Variants in SHCBP1 observed in about 807,000 individuals in gnomAD.
The protein encoded by SHCBP1 is SHC binding and spindle associated 1.
A neutral mutation model predicts 75.1 loss-of-function variants in SHCBP1; 60 were observed. The observed-to-expected ratio is 0.80, with a 90% CI of 0.65 to 0.99. The LOEUF is 0.99. Among genes scored for constraint, SHCBP1 ranks in the 50% least tolerant of loss-of-function variants. SHCBP1 has a pLI of 0.00. For synonymous variants in SHCBP1, 290 were observed against 293.2 expected, an observed-to-expected ratio of 0.99 and a Z score of 0.11; for missense variants, 709 against 809.4, an observed-to-expected ratio of 0.88 and a Z score of 1.50.
In SHCBP1 at chr16:46,581,571, T is replaced by G; in HGVS notation, c.*158A>C. 1.5e-6 allele frequency: 1 copy of G among 648,342 alleles called. No individual in the cohort carries two copies. The highest frequency in any genetic ancestry group is 2.6e-6 in the Non-Finnish European group (1 of 383,698). 40.2% of individuals were successfully genotyped at this position (648,342 alleles called of 1,614,324 possible). A position where few individuals can be genotyped will look rare whatever the true frequency, so the allele number is the denominator to read the frequency against. On this transcript the variant is annotated 3_prime_UTR_variant, in exon 13 of 13. Transcript: ENST00000303383. ...TTTCTTATAAAGAGGGAGTGTTTTA[T>G]GTGCAACACCTGCAAATGGAAATAA...
chr16:46,606,495 C>T (rs936352122), intron 5 of SHCBP1, among the ~76,000 whole-genome samples: 1 of 152,186 alleles, frequency 6.6e-6, no homozygotes, highest in East Asian at 1.9e-4. Flanking sequence ...TAAGTCATTG[C>T]TTGTCGTTAG....
chr16:46,596,233 C>T (rs1192819131), intron 9 of SHCBP1, among the ~76,000 whole-genome samples: 2 of 152,020 alleles, frequency 1.3e-5, no homozygotes, highest in East Asian at 1.9e-4. Context: ...AGGCCGCATG[C>T]GGTAGCTCAC....
chr16:46,596,143 T>C (rs1254657001), intron 9 of SHCBP1, among the ~76,000 whole-genome samples: 2 of 152,020 alleles, frequency 1.3e-5, no homozygotes, highest in Non-Finnish European at 2.9e-5. Context: ...AAACAACAAA[T>C]TATCATGAAT....
chr16:46,595,571 G>A lies in SHCBP1; in HGVS notation c.1445C>T (p.Ser482Leu), dbSNP rs777914584. The change falls in exon 10 of 13, where the codon TCG becomes TTG. Residue 482 changes from serine to leucine, a missense_variant. Physicochemically the swap from Ser to Leu is moderately radical, Grantham distance 145 (BLOSUM62 -2). Transcript: ENST00000303383. ...RTSAEFLMKN[S>L]DLYGAKGAGI... is the part of the protein sequence containing the mutation. ...TTCTACCTTGGCGCCATATAAATCC[G>A]AGTTCTTCATTAGAAACTCTGCTGA... 2.2e-5 allele frequency: 36 copies of A among 1,613,758 alleles called. No individual in the cohort carries two copies. Among genetic ancestry groups the A allele is most frequent in the Non-Finnish European group, 2.8e-5 (33 of 1,179,860 alleles).
In SHCBP1 at chr16:46,605,944, G is replaced by GA. The variant is rs1471896894; in HGVS notation, c.690-1484dup. 9.5e-5 allele frequency among the ~76,000 whole-genome samples: 13 copies of GA among 136,840 alleles called. No homozygotes were observed. In the Admixed American group the frequency reaches 9.8e-4, roughly 10 times the overall value. The allele number at this position is 136,840 out of a possible 152,430, so 89.8% of individuals were successfully genotyped here. On this transcript the variant is annotated intron_variant, in intron 5 of 12. Coordinates refer to ENST00000303383, the MANE Select transcript of SHCBP1 (RefSeq NM_024745.5). ...TTTGTCTACTTTGGTTAATCCGAAA[G>GA]AAACTGAGTGAACAGCTGTGAAAAA...
Position 46,599,417 on chromosome 16 carries a change from G to A in SHCBP1, c.1345+414C>T, listed in dbSNP as rs79605099. 5.9e-5 allele frequency among the ~76,000 whole-genome samples: 9 copies of A among 152,150 alleles called. No individual in the cohort carries two copies. The East Asian group carries it at 1.7e-3, about 29-fold the overall frequency. ...CCCAAAGAGAAGGAGAGAGATAGGG[G>A]AATGGCTGATCGGTGGAACAGTCAA... On this transcript the variant is annotated intron_variant, in intron 9 of 12. Coordinates refer to ENST00000303383, the MANE Select transcript of SHCBP1 (RefSeq NM_024745.5).
rs1438840438 is a variant in SHCBP1, at chr16:46,604,357, C to G, written c.794G>C (p.Arg265Thr). ...AGAGTTACAATTTGACAAACTGCTT[C>G]TCAGATTTAAAAATTTCCTGTAACT... Reference protein sequence around the residue: ...EESYRKFLNLRSSLSNCNSDS... With the variant: ...EESYRKFLNLTSSLSNCNSDS... The change falls in exon 6 of 13, where the codon AGA becomes ACA. Residue 265 changes from arginine (R) to threonine (T), a missense_variant. By Grantham distance (71) the Arg-to-Thr change is moderately conservative. Transcript: ENST00000303383. The G allele has an allele frequency of 6.2e-7, 1 of 1,614,182 alleles. No homozygotes were observed. Among genetic ancestry groups the G allele is most frequent in the Non-Finnish European group, 8.5e-7 (1 of 1,180,016 alleles).
intron 4 of SHCBP1, among the ~76,000 whole-genome samples, chr16:46,610,196 A>G (rs1268054827): frequency 6.6e-6 from 1 of 152,076 alleles, no homozygotes; most frequent in Non-Finnish European, 1.5e-5. Flanking sequence ...CAACCCACCC[A>G]CTTCAGTCTC....
chr16:46,583,784 C>G, intron 11 of SHCBP1, 127 bp from the exon 12 acceptor site: 1 of 1,129,744 alleles, frequency 8.9e-7, no homozygotes, highest in South Asian at 1.5e-5. Context: ...TGTTGTAGCA[C>G]AGTCTGCACC....
chr16:46,591,083 C>T (rs182707172), intron 10 of SHCBP1, among the ~76,000 whole-genome samples: 143 of 152,172 alleles, frequency 9.4e-4, no homozygotes, highest in Admixed American at 4.2e-3. Context: ...AACCAAACAC[C>T]GCATGTTGTC....
rs1965346284 is a variant in SHCBP1, at chr16:46,607,703, T to C, written c.689+594A>G. 2.6e-5 allele frequency among the ~76,000 whole-genome samples: 4 copies of C among 152,292 alleles called. No homozygotes were observed. The South Asian group carries it at 8.3e-4, about 32-fold the overall frequency. The stretch of plus-strand genomic sequence containing the variant: ...ACTGCTTATGAATACAAGAAAAAAT[T>C]ACTGGTCTTAAAGCACCATCTAGTG... On this transcript the variant is annotated intron_variant, in intron 5 of 12. Transcript: ENST00000303383.
chr16:46,597,913 A>C (rs1034255982), intron 9 of SHCBP1, among the ~76,000 whole-genome samples: 1 of 152,226 alleles, frequency 6.6e-6, no homozygotes, highest in Non-Finnish European at 1.5e-5. Context: ...CCTCCCCAGG[A>C]AATTCTATCT....
rs1965504414 is a variant in SHCBP1 at position 46,616,650 on chromosome 16, A to C, written c.388-496T>G. On this transcript the variant is annotated intron_variant, in intron 3 of 12. Coordinates refer to ENST00000303383, the MANE Select transcript of SHCBP1 (RefSeq NM_024745.5). The surrounding 1 kb of genome is among the most constrained non-coding windows in gnomAD (Gnocchi z 4.4). ...GCAACGAGACCAGGACATGAAGGAC[A>C]TCTGAAGGAGCTTGGATTTTAAGTG... Among the ~76,000 whole-genome samples, 1 of 152,240 alleles carries C rather than the reference A, an allele frequency of 6.6e-6. No homozygotes were observed. Among genetic ancestry groups the C allele is most frequent in the Non-Finnish European group, 1.5e-5 (1 of 68,046 alleles).
chr16:46,589,172 CAAAAT>C (rs953856254), intron 10 of SHCBP1, among the ~76,000 whole-genome samples: 2 of 152,126 alleles, frequency 1.3e-5, no homozygotes, highest in African/African-American at 4.8e-5. Flanking sequence ...GGATGTATCT[CAAAAT>C]AATAAGAGCT....
In SHCBP1 at chr16:46,618,297, A is replaced by G; in HGVS notation, c.179T>C (p.Met60Thr). 6.2e-7 allele frequency: 1 copy of G among 1,613,906 alleles called. No homozygotes were observed. Among genetic ancestry groups the G allele is most frequent in the South Asian group, 1.1e-5 (1 of 90,998 alleles). Residue 60 changes from methionine to threonine, a missense_variant, in exon 2 of 13, where the codon ATG (methionine) becomes ACG (threonine). Transcript: ENST00000303383. ...DKPGSSLQSF[M>T]PEGKTFFPEI... ...TGGGAAAAAGGTTTTTCCTTCTGGC[A>G]TAAAACTTTGTAAACTAGAACCTGG...
chr16:46,610,349 A>C (rs532971478), intron 4 of SHCBP1, among the ~76,000 whole-genome samples: 2 of 152,044 alleles, frequency 1.3e-5, no homozygotes, highest in Non-Finnish European at 2.9e-5. Flanking sequence ...AAATTCCCCT[A>C]ATTGTCTCCT....
intron 9 of SHCBP1, 114 bp downstream of exon 9, chr16:46,599,717 A>AAAAAAAAG: frequency 2.1e-6 from 1 of 474,490 alleles, no homozygotes; most frequent in Non-Finnish European, 3.2e-6. Flanking sequence ...GTGCAATAAA[A>AAAAAAAAG]CAAGGTATGC....
chr16:46,578,669 C>G lies in SHCBP1; in HGVS notation c.*3060G>C. 6.6e-6 allele frequency among the ~76,000 whole-genome samples: 1 copy of G among 152,046 alleles called. No homozygotes were observed. The highest frequency in any genetic ancestry group is 1.5e-5 in the Non-Finnish European group (1 of 68,006). ...AGGAGAATGTTCACCACATATAAGA[C>G]TTTAAAACATATACATATATATATT... On this transcript the variant is annotated 3_prime_UTR_variant, in exon 13 of 13. Transcript: ENST00000303383.
chr16:46,598,572 C>G (rs1172879526), intron 9 of SHCBP1, among the ~76,000 whole-genome samples: 1 of 152,078 alleles, frequency 6.6e-6, no homozygotes, highest in African/African-American at 2.4e-5. Flanking sequence ...TTCTAGGGCA[C>G]AGGCAGAGTA....
Sources: allele counts gnomAD v4.1 joint callset (sites outside exome capture counted in the v4.1 genomes callset), GRCh38; gene constraint gnomAD v4.1.1; non-coding constraint Gnocchi (gnomAD v3.1); transcripts MANE v1.5; gene names NCBI Gene and HGNC (gene_info 2026-07-23, HGNC 2026-07-21).